The following DNAH7 variants were observed in gnomAD, a reference collection of about 807,000 sequenced individuals.
DNAH7 encodes the protein dynein axonemal heavy chain 7.
Under a neutral mutation model 444.6 loss-of-function variants are expected in DNAH7, and 397 were observed. That is an observed-to-expected ratio of 0.89 (90% CI 0.82 to 0.97). DNAH7 has a LOEUF of 0.97. DNAH7 is among the 50% of genes least tolerant of loss of function. The pLI is 0.00. For missense variants in DNAH7, 4,902 were observed against 4,800.8 expected (o/e 1.02, Z -0.62); for synonymous variants, 1,636 against 1,624.4 (o/e 1.01, Z -0.17).
In DNAH7 at chr2:195,985,211, GA is replaced by G. The variant is rs141976524; in HGVS notation, c.1755-502del. 1.4e-3 allele frequency among the ~76,000 whole-genome samples: 210 copies of G among 151,206 alleles called. 3 individuals carry two copies. The highest frequency in any genetic ancestry group is 1.1e-3 in the Non-Finnish European group (76 of 67,730). On this transcript the variant is annotated intron_variant, in intron 14 of 64. Coordinates refer to ENST00000312428, the MANE Select transcript of DNAH7 (RefSeq NM_018897.3). Reference sequence around the variant, plus strand: ...AACCATGAACTTATTTTGGCATACAGAAAAAAAAAGTAGCAAGAGCTAAGGG... The same window carrying G: ...AACCATGAACTTATTTTGGCATACAGAAAAAAAAGTAGCAAGAGCTAAGGG...
chr2:196,028,881 T>C (rs1401730), intron 5 of DNAH7, among the ~76,000 whole-genome samples: 36,953 of 152,088 alleles, frequency 0.24, 8,084 homozygotes, highest in African/African-American at 0.58. Context: ...AAAGTGGGTA[T>C]CCAGAATAGA....
chr2:196,058,257 T>G (rs979859431), intron 1 of DNAH7, 141 bp from the exon 2 acceptor site: 5 of 502,944 alleles, frequency 9.9e-6, no homozygotes, highest in Non-Finnish European at 1.7e-5. Context: ...GGCATGATCT[T>G]ATATACTGAA....
chr2:195,853,365 G>C lies in DNAH7; in HGVS notation c.8759C>G (p.Ala2920Gly), dbSNP rs560057100. 5 of 1,613,808 alleles carry C rather than the reference G, an allele frequency of 3.1e-6. No homozygotes were observed. Among genetic ancestry groups the C allele is most frequent in the Non-Finnish European group, 8.5e-7 (1 of 1,179,946 alleles). The change falls in exon 46 of 65, where the codon GCC (alanine) becomes GGC (glycine). Residue 2920 changes from alanine to glycine, a missense_variant. By Grantham distance (60) the Ala-to-Gly change is moderately conservative. Coordinates refer to ENST00000312428, the MANE Select transcript of DNAH7 (RefSeq NM_018897.3). The stretch of plus-strand genomic sequence containing the variant: ...TACCTGTCTATAGGTGGATGTGAAG[G>C]CTCCGAGGTAAGCAACCACTCCGGA... ...ISSGVVAYLGAFTSTYRQNQT... is the reference protein window; with the variant it reads ...ISSGVVAYLGGFTSTYRQNQT...
intron 12 of DNAH7, among the ~76,000 whole-genome samples, chr2:195,997,106 A>G (rs1693741187): frequency 6.6e-6 from 1 of 152,226 alleles, no homozygotes; most frequent in African/African-American, 2.4e-5. Flanking sequence ...TGAAGCTAAT[A>G]TTCACTATAG....
chr2:195,987,092 G>A lies in DNAH7; in HGVS notation c.1728C>T (p.Phe576=), dbSNP rs368804691. The part of the protein sequence containing the change: ...IICGKLLAKM[F]RDHQEVNTRL... ...TTGTATTTACTTCCTGATGATCTCT[G>A]AACATTTTAGCTAGAAGTTTCCCAC... Residue 576 remains phenylalanine (F), a synonymous_variant, in exon 14 of 65, where the codon TTC becomes TTT. Transcript: ENST00000312428. 2 of 1,604,712 alleles carry A rather than the reference G, an allele frequency of 1.2e-6. No homozygotes were observed. Among genetic ancestry groups the A allele is most frequent in the African/African-American group, 2.7e-5 (2 of 74,462 alleles).
chr2:195,874,562 C>T (rs1004921056), intron 38 of DNAH7, among the ~76,000 whole-genome samples: 4 of 150,480 alleles, frequency 2.7e-5, no homozygotes, highest in African/African-American at 9.8e-5. Context: ...CAAAGTGGAA[C>T]TGAAGTCTGA....
chr2:195,970,072 T>C lies in DNAH7; in HGVS notation c.2081A>G (p.Glu694Gly), dbSNP rs1691742971. The C allele has an allele frequency of 6.2e-7, 1 of 1,611,274 alleles. No individual in the cohort carries two copies. Among genetic ancestry groups the C allele is most frequent in the African/African-American group, 1.3e-5 (1 of 74,940 alleles). The change falls in exon 17 of 65, where the codon GAG (glutamate) becomes GGG (glycine). Residue 694 changes from glutamate (E) to glycine (G), a missense_variant. Physicochemically the swap from Glu to Gly is moderately conservative, Grantham distance 98 (BLOSUM62 -2). Coordinates refer to ENST00000312428, the MANE Select transcript of DNAH7 (RefSeq NM_018897.3). The stretch of plus-strand genomic sequence containing the variant: ...TTGCTTAGCATAACTCTCCAATTCC[T>C]CCACAAACCGTTCACACCGTAACTA... The part of the protein sequence containing the change: ...GLKLRCERFV[E>G]ELESYAKQSE...
At chr2:195,756,111 A>G (rs994843270) in intron 62 of DNAH7, 22 bp downstream of exon 62, 6 of 1,583,886 alleles carry the variant, frequency 3.8e-6, no homozygotes, top group African/African-American at 1.4e-5. Context: ...TTAACAATAT[A>G]CGATCATTTA....
intron 5 of DNAH7, among the ~76,000 whole-genome samples, chr2:196,036,045 T>TTTC (rs1696365133): frequency 6.7e-6 from 1 of 149,798 alleles, no homozygotes; most frequent in Non-Finnish European, 1.5e-5. Flanking sequence ...TTTTTTTTTT[T>TTTC]TTCCAGGCAG....
chr2:195,891,736 C>T lies in DNAH7; in HGVS notation c.4965G>A (p.Leu1655=), dbSNP rs749159139. The stretch of plus-strand genomic sequence containing the variant: ...GGGACACTGAATCAAACTGTCCGTA[C>T]AGTTGGCCCATGGTGACAGACTTAG... The part of the protein sequence containing the change: ...LNPKSVTMGQ[L]YGQFDSVSHE... The change falls in exon 31 of 65, where the codon CTG becomes CTA. Residue 1655 remains leucine (L), a synonymous_variant. Coordinates refer to ENST00000312428, the MANE Select transcript of DNAH7 (RefSeq NM_018897.3). The T allele has an allele frequency of 5.6e-6, 9 of 1,609,666 alleles. No homozygotes were observed. Among genetic ancestry groups the T allele is most frequent in the South Asian group, 1.1e-5 (1 of 89,718 alleles).
In DNAH7 at chr2:195,774,794, C is replaced by T. The variant is rs563609583; in HGVS notation, c.11202+1052G>A. On this transcript the variant is annotated intron_variant, in intron 60 of 64. Coordinates refer to ENST00000312428, the MANE Select transcript of DNAH7 (RefSeq NM_018897.3). ...GCACTAGTACAGAGTAAGCACTATA[C>T]AAAAGTATTAACTGTTGCCATTTTT... Among the ~76,000 whole-genome samples the T allele has an allele frequency of 1.1e-4, 16 of 152,242 alleles. No homozygotes were observed. In the East Asian group the frequency reaches 2.3e-3, roughly 22 times the overall value.
Position 196,026,941 on chromosome 2 carries a change from C to T in DNAH7, c.487-1G>A. On this transcript the variant is annotated splice_acceptor_variant, in intron 6 of 64. Coordinates refer to ENST00000312428, the MANE Select transcript of DNAH7 (RefSeq NM_018897.3). LOFTEE classifies it high-confidence loss of function. ...CATGGTGAATATAATAGTAATATCT[C>T]TACAAAAAGAAGATAGGAAAAATGT... The T allele has an allele frequency of 6.4e-7, 1 of 1,561,184 alleles. No individual in the cohort carries two copies. The highest frequency in any genetic ancestry group is 2.3e-5 in the East Asian group (1 of 43,460).
chr2:195,789,828 A>C (rs1170483375), intron 57 of DNAH7, among the ~76,000 whole-genome samples: 2 of 152,168 alleles, frequency 1.3e-5, no homozygotes, highest in African/African-American at 4.8e-5. Flanking sequence ...TAGCCAGAGT[A>C]AACAGGCAAA....
At chr2:195,998,840 C>A in intron 12 of DNAH7, 2 of 366,252 alleles carry the variant, frequency 5.5e-6, no homozygotes, top group Non-Finnish European at 9.8e-6. Context: ...ATAAATATGC[C>A]AGGATAATAA....
intron 5 of DNAH7, among the ~76,000 whole-genome samples, chr2:196,028,389 GTTAT>G (rs1406068495): frequency 1.3e-5 from 2 of 152,052 alleles, no homozygotes; most frequent in African/African-American, 2.4e-5. Flanking sequence ...AATATGTATG[GTTAT>G]TTATAGATAT....
intron 63 of DNAH7, among the ~76,000 whole-genome samples, chr2:195,749,336 G>T (rs1299661647): frequency 6.7e-6 from 1 of 150,176 alleles, no homozygotes; most frequent in Admixed American, 6.6e-5. Flanking sequence ...GAAACAACAG[G>T]TGCTGGAGAG....
intron 24 of DNAH7, among the ~76,000 whole-genome samples, chr2:195,915,395 G>A (rs1214383442): frequency 6.6e-6 from 1 of 152,068 alleles, no homozygotes; most frequent in Non-Finnish European, 1.5e-5. Flanking sequence ...GAAGTAGAAT[G>A]GTATGCATAA....
At chr2:196,044,911 A>T (rs1425882511) in intron 5 of DNAH7, among the ~76,000 whole-genome samples, 1 of 151,976 alleles carries the variant, frequency 6.6e-6, no homozygotes, top group Non-Finnish European at 1.5e-5. Flanking sequence ...TACAAAAAAT[A>T]ATAATAATAC....
intron 61 of DNAH7, among the ~76,000 whole-genome samples, chr2:195,766,114 G>A (rs1346733278): frequency 6.7e-6 from 1 of 148,546 alleles, no homozygotes; most frequent in African/African-American, 2.5e-5. Flanking sequence ...AGCGAAAAAA[G>A]CCAGGCACTA....
Sources: gnomAD v4.1 joint callset for allele counts (sites outside exome capture counted in the v4.1 genomes callset) on GRCh38, gnomAD v4.1.1 for gene constraint, MANE v1.5 for transcripts, NCBI Gene and HGNC (gene_info 2026-07-23, HGNC 2026-07-21) for gene names.